AVEN: variants seen among roughly 807,000 people sequenced by gnomAD.
AVEN encodes cell death regulator Aven.
In AVEN, 41 loss-of-function variants were observed where a neutral mutation model predicts 38.1. The observed-to-expected ratio is 1.08, with a 90% CI of 0.84 to 1.40. The LOEUF is 1.40. Ranked by LOEUF, AVEN falls within the 40% of genes most tolerant of loss-of-function variation. The pLI, the probability that AVEN is intolerant of heterozygous loss-of-function variation, is 0.00. For synonymous variants in AVEN, 206 were observed against 171.8 expected, an observed-to-expected ratio of 1.20 and a Z score of -1.56; for missense variants, 605 against 438.8, an observed-to-expected ratio of 1.38 and a Z score of -3.38.
chr15:34,001,880 C>A (rs1483500690), intron 2 of AVEN, among the ~76,000 whole-genome samples: 1 of 152,174 alleles, frequency 6.6e-6, no homozygotes, highest in African/African-American at 2.4e-5. Flanking sequence ...TAAACAGCAA[C>A]ATCAAAGTCA....
chr15:33,876,546 TG>T (rs1312098290), intron 2 of AVEN, among the ~76,000 whole-genome samples: 3 of 152,036 alleles, frequency 2.0e-5, no homozygotes, highest in Non-Finnish European at 4.4e-5. Context: ...CACTCCAGCC[TG>T]GGTGACAGAG....
At chr15:33,871,709 G>A (rs924739299) in intron 3 of AVEN, among the ~76,000 whole-genome samples, 3 of 151,204 alleles carry the variant, frequency 2.0e-5, no homozygotes, top group Admixed American at 1.3e-4. Context: ...GAAGAGGAAA[G>A]GGCTATTTAG....
chr15:33,982,515 A>G (rs1429803034), intron 2 of AVEN, among the ~76,000 whole-genome samples: 1 of 152,220 alleles, frequency 6.6e-6, no homozygotes, highest in African/African-American at 2.4e-5. Context: ...TCTCAGTCCC[A>G]ATGGTCAAAT....
intron 2 of AVEN, among the ~76,000 whole-genome samples, chr15:33,945,160 A>G (rs954876183): frequency 2.0e-5 from 3 of 152,140 alleles, no homozygotes; most frequent in Admixed American, 6.5e-5. Flanking sequence ...TGCAATGTCA[A>G]TCTTGTCATA....
chr15:34,056,856 C>T (rs1442601496), intron 5 of AVEN, among the ~76,000 whole-genome samples: 1 of 152,086 alleles, frequency 6.6e-6, no homozygotes, highest in Non-Finnish European at 1.5e-5. Flanking sequence ...CATAGCGAGA[C>T]CCTATCTCAA....
At chr15:33,964,479 T>A (rs879666022) in intron 2 of AVEN, among the ~76,000 whole-genome samples, 3 of 152,122 alleles carry the variant, frequency 2.0e-5, no homozygotes, top group Non-Finnish European at 4.4e-5. Flanking sequence ...AAAAATGCAA[T>A]CTTTTTTTCT....
intron 2 of AVEN, among the ~76,000 whole-genome samples, chr15:33,943,725 T>C (rs1017270302): frequency 6.6e-6 from 1 of 150,516 alleles, no homozygotes; most frequent in Non-Finnish European, 1.5e-5. Context: ...CTTGGGAAGC[T>C]GCGGCAGAAG....
At chr15:34,073,469 T>C (rs562362777) in intron 1 of AVEN, among the ~76,000 whole-genome samples, 44 of 150,854 alleles carry the variant, frequency 2.9e-4, no homozygotes, top group African/African-American at 1.0e-3. Flanking sequence ...AAAAAAATCA[T>C]AAGGCTTCGA....
In AVEN at chr15:33,871,010, A is replaced by G. The variant is rs947690651; in HGVS notation, c.537T>C (p.Asp179=). ...GAAGGGCTCGAACCAATAACTCACT[A>G]TCCACATAAAATGCTGAATTCTATA... The part of the protein sequence containing the change: ...CPKQNSAFYV[D]SELLVRALQE... The change falls in exon 4 of 6, where the codon GAT becomes GAC. Residue 179 remains aspartate, a synonymous_variant. Coordinates refer to ENST00000306730, the MANE Select transcript of AVEN (RefSeq NM_020371.3). 2.5e-6 allele frequency: 4 copies of G among 1,602,054 alleles called. No homozygotes were observed. The highest frequency in any genetic ancestry group is 3.4e-6 in the Non-Finnish European group (4 of 1,173,052).
intron 1 of AVEN, among the ~76,000 whole-genome samples, chr15:34,074,109 T>C (rs1338314011): frequency 6.7e-6 from 1 of 149,290 alleles, no homozygotes; most frequent in African/African-American, 2.5e-5. Context: ...GCAATTCTCA[T>C]GCCTCAGCCT....
intron 2 of AVEN, among the ~76,000 whole-genome samples, chr15:33,885,050 C>T (rs551298479): frequency 3.3e-5 from 5 of 152,164 alleles, no homozygotes; most frequent in African/African-American, 4.8e-5. Context: ...TTCCTGGCTC[C>T]TCTTCATCAT....
chr15:33,898,622 G>A (rs35840897), intron 2 of AVEN, among the ~76,000 whole-genome samples: 81,085 of 151,766 alleles, frequency 0.53, 24,069 homozygotes, highest in Non-Finnish European at 0.66. Context: ...TCATTGAACT[G>A]GGACACACCC....
At chr15:33,959,788 C>T (rs1383767421) in intron 2 of AVEN, among the ~76,000 whole-genome samples, 3 of 152,142 alleles carry the variant, frequency 2.0e-5, no homozygotes, top group African/African-American at 7.2e-5. Context: ...ATCAGAAAGA[C>T]ATATAAACCA....
At chr15:33,904,712 T>TACACACACACACACACACACACACAC (rs1394478053) in intron 2 of AVEN, among the ~76,000 whole-genome samples, 10 of 138,186 alleles carry the variant, frequency 7.2e-5, no homozygotes, top group Non-Finnish European at 1.5e-5. Flanking sequence ...TATATATATA[T>TACACACACACACACACACACACACAC]ATATACACAC....
intron 2 of AVEN, among the ~76,000 whole-genome samples, chr15:33,887,607 T>TA (rs1310507334): frequency 6.6e-6 from 1 of 152,158 alleles, no homozygotes; most frequent in African/African-American, 2.4e-5. Flanking sequence ...ATATAGAAGA[T>TA]ACACTCCTGC....
intron 2 of AVEN, among the ~76,000 whole-genome samples, chr15:33,932,262 T>C (rs1184208489): frequency 6.6e-6 from 1 of 152,188 alleles, no homozygotes; most frequent in African/African-American, 2.4e-5. Flanking sequence ...AACTACCATT[T>C]CCAAATCAAC....
At chr15:34,014,317 T>A (rs1268730364) in intron 1 of AVEN, among the ~76,000 whole-genome samples, 2 of 139,316 alleles carry the variant, frequency 1.4e-5, no homozygotes, top group African/African-American at 5.5e-5. Context: ...TGAGCCAAGA[T>A]TGTGCCATTG....
chr15:33,859,935 C>G lies in AVEN; in HGVS notation n.2730-841G>C, dbSNP rs190057479. 5.2e-3 allele frequency among the ~76,000 whole-genome samples: 785 copies of G among 152,262 alleles called. 2 individuals carry two copies. The highest frequency in any genetic ancestry group is 0.014 in the Middle Eastern group (4 of 294). ...CACACCCAGGCACAGTTATAAGAAG[C>G]TTCATCCATACAGAGGAACCCCTTC... is the stretch of plus-strand genomic sequence containing the variant. On this transcript the variant is annotated intron_variant and non_coding_transcript_variant, in intron 11 of 11. Coordinates refer to the AVEN transcript ENST00000675287.
intron 2 of AVEN, among the ~76,000 whole-genome samples, chr15:33,999,164 T>C (rs1897048373): frequency 6.6e-6 from 1 of 152,218 alleles, no homozygotes; most frequent in Admixed American, 6.5e-5. Context: ...TATGGAAGCC[T>C]TGGCAGAGGG....
Sources: allele counts gnomAD v4.1 joint callset (sites outside exome capture counted in the v4.1 genomes callset), GRCh38; gene constraint gnomAD v4.1.1; transcripts MANE v1.5; gene names NCBI Gene and HGNC (gene_info 2026-07-23, HGNC 2026-07-21).